The following CTNNAL1 variants were observed in gnomAD, a reference collection of about 807,000 sequenced individuals.
The protein encoded by CTNNAL1 is catenin alpha like 1, also known as alpha-catulin.
A neutral mutation model predicts 93.6 loss-of-function variants in CTNNAL1; 69 were observed. That is an observed-to-expected ratio of 0.74 (90% confidence interval 0.61 to 0.90). CTNNAL1 has a LOEUF of 0.90. CTNNAL1 is among the 40% of genes least tolerant of loss of function. CTNNAL1 has a pLI of 0.00. For synonymous variants in CTNNAL1, 286 were observed against 305.4 expected (o/e 0.94, Z 0.66); for missense variants, 836 against 862.0 (o/e 0.97, Z 0.38).
At chr9:108,972,864 G>GGGGGGGGGGGGCCCCCCCCCCCCCCCCC in intron 8 of CTNNAL1, 31 bp from the exon 9 acceptor site, 1 of 142,590 alleles carries the variant, frequency 7.0e-6, no homozygotes, top group Non-Finnish European at 1.0e-5. Context: ...GGGGGGGTGG[G>GGGGGGGGGGGGCCCCCCCCCCCCCCCCC]AGGGTGGAGA....
chr9:108,976,784 G>C (rs1831279585), intron 8 of CTNNAL1, among the ~76,000 whole-genome samples, 178 bp downstream of exon 8: 2 of 152,034 alleles, frequency 1.3e-5, no homozygotes, highest in Admixed American at 1.3e-4. Context: ...CTCCCACCTT[G>C]GCCTCCCCAC....
At position 109,012,062 on chromosome 9, in the gene CTNNAL1, A is replaced by G. The variant is rs75905037; in HGVS notation, c.141+1240T>C. ...CCCCTTCCCACTGGTCAGAGCCTCAATGAGACACAGGAAAAGGGAAGGAGA... is the reference window on the plus strand; with the variant it reads ...CCCCTTCCCACTGGTCAGAGCCTCAGTGAGACACAGGAAAAGGGAAGGAGA... On this transcript the variant is annotated intron_variant, in intron 1 of 18. Coordinates refer to ENST00000325551, the MANE Select transcript of CTNNAL1 (RefSeq NM_003798.4). 4.9e-3 allele frequency among the ~76,000 whole-genome samples: 751 copies of G among 152,366 alleles called. 4 individuals are homozygous for G. The highest frequency in any genetic ancestry group is 8.5e-3 in the Non-Finnish European group (577 of 68,032).
chr9:108,980,462 A>G (rs904680340), intron 6 of CTNNAL1, among the ~76,000 whole-genome samples: 8 of 152,230 alleles, frequency 5.3e-5, no homozygotes, highest in African/African-American at 1.9e-4. Context: ...TTAACACTTC[A>G]AAGTCCTTTC....
intron 1 of CTNNAL1, among the ~76,000 whole-genome samples, chr9:109,008,279 T>C (rs749811750): frequency 6.8e-6 from 1 of 146,888 alleles, no homozygotes; most frequent in Non-Finnish European, 1.5e-5. Flanking sequence ...TGCCCCAGCC[T>C]CCCAAGTAGC....
intron 1 of CTNNAL1, among the ~76,000 whole-genome samples, chr9:109,000,167 G>A (rs771442015): frequency 3.3e-5 from 5 of 152,130 alleles, no homozygotes; most frequent in Admixed American, 1.3e-4. Flanking sequence ...TTGGCTCGGC[G>A]ATTACTTGCT....
At chr9:108,986,198 C>A (rs1831599762) in intron 4 of CTNNAL1, among the ~76,000 whole-genome samples, 1 of 147,094 alleles carries the variant, frequency 6.8e-6, no homozygotes, top group African/African-American at 2.5e-5. Context: ...CCACAACAGT[C>A]CCCAGAGTGT....
chr9:108,998,273 A>C (rs768112547), intron 2 of CTNNAL1, among the ~76,000 whole-genome samples: 5 of 152,162 alleles, frequency 3.3e-5, no homozygotes, highest in Non-Finnish European at 7.3e-5. Context: ...TACAATGTAC[A>C]GGTCAACCTC....
intron 12 of CTNNAL1, among the ~76,000 whole-genome samples, chr9:108,952,729 C>A (rs1274738238): frequency 6.6e-6 from 1 of 152,150 alleles, no homozygotes; most frequent in Non-Finnish European, 1.5e-5. Context: ...GCCTTCCCTG[C>A]TCTGTGGCCT....
intron 10 of CTNNAL1, among the ~76,000 whole-genome samples, chr9:108,966,283 C>T (rs898677128): frequency 1.3e-5 from 2 of 152,204 alleles, no homozygotes; most frequent in African/African-American, 2.4e-5. Flanking sequence ...CGTACCACCA[C>T]ATGGGCTAAA....
At chr9:108,969,836 T>C (rs897849835) in intron 10 of CTNNAL1, among the ~76,000 whole-genome samples, 3 of 152,064 alleles carry the variant, frequency 2.0e-5, no homozygotes, top group African/African-American at 7.2e-5. Context: ...TTTGTTTGTT[T>C]TTATTTTTTA....
chr9:108,984,538 A>T, intron 4 of CTNNAL1, 102 bp from the exon 5 acceptor site: 1 of 504,070 alleles, frequency 2.0e-6, no homozygotes. Context: ...ATTCACTAAC[A>T]TTGTTAAGTG....
Position 108,950,534 on chromosome 9 carries a change from G to A in CTNNAL1, c.1835+1675C>T, listed in dbSNP as rs1489831760. On this transcript the variant is annotated intron_variant, in intron 14 of 18. Transcript: ENST00000325551. ...AATTATCTATCTAGAAAAGGTAGAA[G>A]ACGTCATCAAGAGGAAAATGATGCC... 11 of 1,550,368 alleles carry A rather than the reference G, an allele frequency of 7.1e-6. No individual in the cohort carries two copies. The South Asian group carries it at 1.3e-4, about 18-fold the overall frequency.
At position 108,983,131 on chromosome 9, in the gene CTNNAL1, C is replaced by T; in HGVS notation, c.900+14G>A. 2 of 1,468,664 alleles carry T rather than the reference C, an allele frequency of 1.4e-6. No individual in the cohort carries two copies. The highest frequency in any genetic ancestry group is 1.5e-5 in the African/African-American group (1 of 68,586). 91.0% of individuals were successfully genotyped at this position (1,468,664 alleles called of 1,614,324 possible). On this transcript the variant is annotated intron_variant, in intron 6 of 18. Coordinates refer to ENST00000325551, the MANE Select transcript of CTNNAL1 (RefSeq NM_003798.4). ...AAGAAGAGAAAAATAAAAATATACTCTCTTTATTCTTACCTTGAATTCCTT... is the reference window on the plus strand; with the variant it reads ...AAGAAGAGAAAAATAAAAATATACTTTCTTTATTCTTACCTTGAATTCCTT...
chr9:108,970,325 A>C lies in CTNNAL1; in HGVS notation c.1440+77T>G, dbSNP rs1031629977. The stretch of plus-strand genomic sequence containing the variant: ...GGACTCTAGTTATGAAAAACCATTT[A>C]TACCTTCCATCCACACAACTTGTTA... On this transcript the variant is annotated intron_variant, in intron 10 of 18. Coordinates refer to ENST00000325551, the MANE Select transcript of CTNNAL1 (RefSeq NM_003798.4). The C allele has an allele frequency of 4.4e-5, 58 of 1,308,288 alleles. No homozygotes were observed. In the Admixed American group the frequency reaches 8.7e-4, roughly 20 times the overall value. 81.0% of individuals were successfully genotyped at this position (1,308,288 alleles called of 1,614,324 possible).
intron 11 of CTNNAL1, among the ~76,000 whole-genome samples, chr9:108,963,227 C>A (rs888231459): frequency 6.6e-6 from 1 of 152,152 alleles, no homozygotes; most frequent in African/African-American, 2.4e-5. Flanking sequence ...TGTTATAACT[C>A]CTCTTCTTAT....
intron 15 of CTNNAL1, among the ~76,000 whole-genome samples, chr9:108,945,250 C>T (rs1290559159): frequency 6.6e-6 from 1 of 152,154 alleles, no homozygotes. Context: ...ATGCTTAAGT[C>T]CCTTAAATAA....
chr9:109,012,849 C>G (rs1332455675), intron 1 of CTNNAL1, among the ~76,000 whole-genome samples: 1 of 152,178 alleles, frequency 6.6e-6, no homozygotes, highest in African/African-American at 2.4e-5. Context: ...GCGGAGGAGC[C>G]GGGCTCGGGA....
Position 108,972,701 on chromosome 9 carries a change from A to G in CTNNAL1, c.1321T>C (p.Ser441Pro). 1 of 1,613,574 alleles carries G rather than the reference A, an allele frequency of 6.2e-7. No homozygotes were observed. The highest frequency in any genetic ancestry group is 8.5e-7 in the Non-Finnish European group (1 of 1,179,870). Residue 441 changes from serine (S) to proline (P), a missense_variant, in exon 9 of 19, where the codon TCT becomes CCT. By Grantham distance (74) the Ser-to-Pro change is moderately conservative. Transcript: ENST00000325551. ...TCAACAAGCTGCTCTTTCTGTTCAG[A>G]GAGTTTACAGGCATATTCAGCCAAA... Reference protein sequence around the residue: ...EALAEYACKLSEQKEQLVETC... With the variant: ...EALAEYACKLPEQKEQLVETC...
At position 108,984,355 on chromosome 9, in the gene CTNNAL1, CTG is replaced by C. The variant is rs1428870177; in HGVS notation, c.719_720del (p.Thr240SerfsTer10). ...VLEKCTMMLL[T>X]ASKTCLRHPN... is the part of the protein sequence containing the mutation. ...AACCAAAATTGTCTTACCTTTGAAGCTGTGAGAAGCATCATTGTACACTTTTC... is the reference window on the plus strand; with the variant it reads ...AACCAAAATTGTCTTACCTTTGAAGCTGAGAAGCATCATTGTACACTTTTC... On this transcript the variant is annotated frameshift_variant, in exon 5 of 19. Transcript: ENST00000325551. LOFTEE classifies it high-confidence loss of function. The C allele has an allele frequency of 5.6e-6, 9 of 1,599,572 alleles. No individual in the cohort carries two copies. In the African/African-American group the frequency reaches 9.4e-5, roughly 17 times the overall value.
Sources: allele counts gnomAD v4.1 joint callset (sites outside exome capture counted in the v4.1 genomes callset), GRCh38; gene constraint gnomAD v4.1.1; transcripts MANE v1.5; gene names NCBI Gene and HGNC (gene_info 2026-07-23, HGNC 2026-07-21).